FBXL20: variants seen among roughly 807,000 people sequenced by gnomAD.
The protein encoded by FBXL20 is F-box/LRR-repeat protein 20.
FBXL20 carries 11 observed loss-of-function variants against 64.0 expected under a neutral mutation model. The observed-to-expected ratio is 0.17, with a 90% CI of 0.11 to 0.28. The LOEUF is 0.28. Ranked by LOEUF, FBXL20 falls within the 10% of genes least tolerant of loss-of-function variation. The probability of loss-of-function intolerance (pLI) is 1.00; values close to 1 mark genes in which losing one functional copy is unlikely to be tolerated. For missense variants in FBXL20, 303 were observed against 526.2 expected, an observed-to-expected ratio of 0.58 and a Z score of 4.15; for synonymous variants, 184 against 189.0, an observed-to-expected ratio of 0.97 and a Z score of 0.22.
In FBXL20 at chr17:39,261,134, G is replaced by C; in HGVS notation, c.*326C>G. Reference sequence around the variant, plus strand: ...AGACAAAAATTTAAAAACCACAGTAGCATTAACACGGGGTTTGCTGGAATG... The same window carrying C: ...AGACAAAAATTTAAAAACCACAGTACCATTAACACGGGGTTTGCTGGAATG... On this transcript the variant is annotated 3_prime_UTR_variant, in exon 15 of 15. Transcript: ENST00000264658. 1 of 259,916 alleles carries C rather than the reference G, an allele frequency of 3.8e-6. No individual in the cohort carries two copies. The highest frequency in any genetic ancestry group is 7.6e-6 in the Non-Finnish European group (1 of 132,102). 16.1% of individuals were successfully genotyped at this position (259,916 alleles called of 1,614,324 possible).
At chr17:39,278,302 C>T (rs1185895180) in intron 9 of FBXL20, among the ~76,000 whole-genome samples, 1 of 152,078 alleles carries the variant, frequency 6.6e-6, no homozygotes, top group Non-Finnish European at 1.5e-5. Flanking sequence ...CACACCACCA[C>T]ACTTAGATGG....
chr17:39,263,656 C>T (rs2046767102), intron 14 of FBXL20, among the ~76,000 whole-genome samples: 1 of 152,118 alleles, frequency 6.6e-6, no homozygotes, highest in Non-Finnish European at 1.5e-5. Flanking sequence ...GGTGCCACTG[C>T]ACTCCTGCCT....
intron 1 of FBXL20, among the ~76,000 whole-genome samples, chr17:39,345,669 T>C (rs758406788): frequency 6.6e-6 from 1 of 152,010 alleles, no homozygotes; most frequent in Non-Finnish European, 1.5e-5. Flanking sequence ...GCCTCCTGAG[T>C]AGCTGGGATT....
intron 2 of FBXL20, among the ~76,000 whole-genome samples, chr17:39,337,572 G>A (rs2047537022): frequency 2.0e-5 from 3 of 151,808 alleles, no homozygotes; most frequent in Non-Finnish European, 2.9e-5. Context: ...CGTCTGGGAT[G>A]TGAGGAGCGC....
chr17:39,300,097 G>A (rs946891511), intron 4 of FBXL20, among the ~76,000 whole-genome samples: 1 of 152,030 alleles, frequency 6.6e-6, no homozygotes, highest in African/African-American at 2.4e-5. Context: ...ACTCTGTCTC[G>A]AAAACAAACA....
At chr17:39,380,020 C>T (rs2048007319) in intron 1 of FBXL20, among the ~76,000 whole-genome samples, 1 of 151,966 alleles carries the variant, frequency 6.6e-6, no homozygotes, top group Non-Finnish European at 1.5e-5. Context: ...ATAAGTTCTA[C>T]TTTCAAAAGA....
chr17:39,270,661 T>G (rs1176162666), intron 11 of FBXL20, 135 bp downstream of exon 11: 4 of 663,466 alleles, frequency 6.0e-6, no homozygotes, highest in Non-Finnish European at 1.0e-5. Flanking sequence ...GGTCTGTAGC[T>G]ATAGCATGAA....
At chr17:39,296,031 G>T (rs2047082478) in intron 6 of FBXL20, among the ~76,000 whole-genome samples, 1 of 151,954 alleles carries the variant, frequency 6.6e-6, no homozygotes, top group Non-Finnish European at 1.5e-5. Flanking sequence ...TTTCACCAAT[G>T]CATCTTGAGG....
intron 6 of FBXL20, among the ~76,000 whole-genome samples, chr17:39,296,267 C>T (rs1597782245): frequency 1.3e-5 from 2 of 151,972 alleles, no homozygotes; most frequent in South Asian, 2.1e-4. Context: ...TATAGGAATA[C>T]TTATTAGCAG....
intron 2 of FBXL20, 64 bp downstream of exon 2, chr17:39,343,116 A>T: frequency 7.8e-7 from 1 of 1,284,056 alleles, no homozygotes; most frequent in Non-Finnish European, 1.1e-6. Context: ...AAAGTTAAAA[A>T]ATTTTAAACA....
In FBXL20 at chr17:39,264,264, G is replaced by C; in HGVS notation, c.1114C>G (p.Leu372Val). Reference sequence around the variant, plus strand: ...CTATGACAGCTCTTCAAGTGCTCCAGGGATGCATCTGTGATTAGTGGGCAG... The same window carrying C: ...CTATGACAGCTCTTCAAGTGCTCCACGGATGCATCTGTGATTAGTGGGCAG... ...DNCPLITDAS[L>V]EHLKSCHSLE... Residue 372 changes from leucine to valine, a missense_variant, in exon 14 of 15, where the codon CTG (leucine) becomes GTG (valine). Coordinates refer to ENST00000264658, the MANE Select transcript of FBXL20 (RefSeq NM_032875.3). 6.2e-7 allele frequency: 1 copy of C among 1,614,224 alleles called. No individual in the cohort carries two copies. The highest frequency in any genetic ancestry group is 1.1e-5 in the South Asian group (1 of 91,090).
intron 2 of FBXL20, among the ~76,000 whole-genome samples, chr17:39,321,002 C>A (rs964476335): frequency 6.6e-6 from 1 of 151,966 alleles, no homozygotes; most frequent in Non-Finnish European, 1.5e-5. Context: ...TTGCTAAGTT[C>A]TTTTTTTGTT....
At position 39,373,424 on chromosome 17, in the gene FBXL20, C is replaced by T. The variant is rs149479733; in HGVS notation, c.42+27937G>A. On this transcript the variant is annotated intron_variant, in intron 1 of 14. Coordinates refer to ENST00000264658, the MANE Select transcript of FBXL20 (RefSeq NM_032875.3). ...TTTGGTATAGGACTGCTTAGAACTG[C>T]GGGCTGGGGATGTCTATCTGATAGA... 1.1e-4 allele frequency among the ~76,000 whole-genome samples: 17 copies of T among 152,228 alleles called. 1 individual carries two copies. The East Asian group carries it at 2.5e-3, about 22-fold the overall frequency.
rs562934919 is a variant in FBXL20, at chr17:39,264,517, C to T, written c.991-130G>A. ...GAATATGGAGCTGGCACTAGATCCA[C>T]GTGGTGAAATTTAAAAAACTAGAGA... On this transcript the variant is annotated intron_variant, in intron 13 of 14. Coordinates refer to ENST00000264658, the MANE Select transcript of FBXL20 (RefSeq NM_032875.3). 2.2e-3 allele frequency: 2,047 copies of T among 920,526 alleles called. 12 individuals are homozygous for T. Among genetic ancestry groups the T allele is most frequent in the Non-Finnish European group, 1.9e-3 (1,205 of 623,926 alleles). 57.0% of individuals were successfully genotyped at this position (920,526 alleles called of 1,614,324 possible).
At chr17:39,401,678 C>T, upstream of FBXL20, 1 of 1,297,032 alleles carries the variant, frequency 7.7e-7, no homozygotes, top group Non-Finnish European at 9.8e-7. Context: ...GCCAGCAACG[C>T]CGCTGCTCAT....
chr17:39,348,551 C>T (rs542969521), intron 1 of FBXL20, among the ~76,000 whole-genome samples: 17 of 152,258 alleles, frequency 1.1e-4, no homozygotes, highest in African/African-American at 4.1e-4. Context: ...CTCAGCCTTC[C>T]AAAGTGTTGG....
chr17:39,370,367 T>C (rs1383765715), intron 1 of FBXL20, among the ~76,000 whole-genome samples: 2 of 151,400 alleles, frequency 1.3e-5, no homozygotes, highest in Non-Finnish European at 1.5e-5. Flanking sequence ...GGCAGGCACC[T>C]GTATTCCCAG....
chr17:39,306,315 G>A (rs2047182933), intron 2 of FBXL20, among the ~76,000 whole-genome samples: 1 of 151,854 alleles, frequency 6.6e-6, no homozygotes. Context: ...CCACACGCCA[G>A]GCTTTAAAAC....
intron 1 of FBXL20, among the ~76,000 whole-genome samples, chr17:39,383,000 CAAAAAAA>C (rs1003346474): frequency 7.3e-6 from 1 of 136,948 alleles, no homozygotes; most frequent in Admixed American, 7.4e-5. Context: ...ACTAAAAATA[CAAAAAAA>C]AAAAAATTAG....
Sources: gnomAD v4.1 joint callset for allele counts (sites outside exome capture counted in the v4.1 genomes callset) on GRCh38, gnomAD v4.1.1 for gene constraint, MANE v1.5 for transcripts, NCBI Gene and HGNC (gene_info 2026-07-23, HGNC 2026-07-21) for gene names.